MAN1C1: variants seen among roughly 807,000 people sequenced by gnomAD.
MAN1C1 encodes mannosyl-oligosaccharide 1,2-alpha-mannosidase IC.
In MAN1C1, 49 loss-of-function variants were observed where a neutral mutation model predicts 71.5. That is an observed-to-expected ratio of 0.69 (90% confidence interval 0.54 to 0.87). The LOEUF (loss-of-function observed/expected upper bound fraction) is 0.87. Ranked by LOEUF, MAN1C1 falls within the 40% of genes least tolerant of loss-of-function variation. The pLI is 0.00. For missense variants in MAN1C1, 743 were observed against 835.0 expected (o/e 0.89, Z 1.36); for synonymous variants, 352 against 343.7 (o/e 1.02, Z -0.27).
chr1:25,777,056 C>G (rs566794047), intron 8 of MAN1C1, among the ~76,000 whole-genome samples: 1 of 152,306 alleles, frequency 6.6e-6, no homozygotes, highest in African/African-American at 2.4e-5. Flanking sequence ...TCCATAGAAT[C>G]AGGTCCACCC....
At chr1:25,766,991 C>T (rs1262644473) in intron 7 of MAN1C1, among the ~76,000 whole-genome samples, 1 of 152,000 alleles carries the variant, frequency 6.6e-6, no homozygotes, top group Non-Finnish European at 1.5e-5. Context: ...CTGGGGCTCA[C>T]GGACACCAGC....
intron 2 of MAN1C1, among the ~76,000 whole-genome samples, chr1:25,745,752 G>A (rs1363482448): frequency 6.6e-6 from 1 of 152,184 alleles, no homozygotes; most frequent in Non-Finnish European, 1.5e-5. Flanking sequence ...CACTTTGGGA[G>A]ACCAAAGCAG....
chr1:25,761,892 G>A (rs1465312497), intron 6 of MAN1C1, among the ~76,000 whole-genome samples: 2 of 151,754 alleles, frequency 1.3e-5, no homozygotes, highest in East Asian at 3.9e-4. Flanking sequence ...CAAAGTGCTG[G>A]GACTACAGGG....
intron 1 of MAN1C1, among the ~76,000 whole-genome samples, chr1:25,660,276 C>T (rs1377017715): frequency 6.6e-6 from 1 of 152,030 alleles, no homozygotes; most frequent in African/African-American, 2.4e-5. Context: ...TGGCACATGC[C>T]TGTAATCTCA....
At chr1:25,632,865 A>ATTTTTT (rs33924292) in intron 1 of MAN1C1, among the ~76,000 whole-genome samples, 7 of 113,100 alleles carry the variant, frequency 6.2e-5, no homozygotes, top group Non-Finnish European at 8.8e-5. Flanking sequence ...TACAATTTTG[A>ATTTTTT]TTTTTTTTTT....
rs2045909469 is a variant in MAN1C1, at chr1:25,665,491, A to G, written c.541-20949A>G. On this transcript the variant is annotated intron_variant, in intron 1 of 11. Coordinates refer to ENST00000374332, the MANE Select transcript of MAN1C1 (RefSeq NM_020379.4). Reference sequence around the variant, plus strand: ...AGTAGCAAGACGGAAAAACGCTTCCAAATAGTTAGCTGCATTCTGCCATCA... The same window carrying G: ...AGTAGCAAGACGGAAAAACGCTTCCGAATAGTTAGCTGCATTCTGCCATCA... Among the ~76,000 whole-genome samples the G allele has an allele frequency of 7.2e-5, 11 of 152,372 alleles. No individual in the cohort carries two copies. In the South Asian group the frequency reaches 2.1e-3, roughly 29 times the overall value.
chr1:25,643,899 T>C (rs1048136042), intron 1 of MAN1C1, among the ~76,000 whole-genome samples: 5 of 152,194 alleles, frequency 3.3e-5, no homozygotes, highest in African/African-American at 9.7e-5. Context: ...AACTGATTCA[T>C]GTTGGAAATC....
rs148437546 is a variant in MAN1C1, at chr1:25,635,727, G to A, written c.540+17390G>A. On this transcript the variant is annotated intron_variant, in intron 1 of 11. Coordinates refer to ENST00000374332, the MANE Select transcript of MAN1C1 (RefSeq NM_020379.4). ...GCCTCCCAAAGTGCCAGGATGATAG[G>A]TATGAGCCACTATACCCCACCTCAT... Among the ~76,000 whole-genome samples, 527 of 152,166 alleles carry A rather than the reference G, an allele frequency of 3.5e-3. 3 individuals carry two copies. Among genetic ancestry groups the A allele is most frequent in the African/African-American group, 0.012 (510 of 41,506 alleles).
At chr1:25,758,749 G>T (rs1259636888) in intron 6 of MAN1C1, 40 bp downstream of exon 6, 2 of 1,559,598 alleles carry the variant, frequency 1.3e-6, no homozygotes, top group African/African-American at 1.4e-5. Flanking sequence ...GGAGCAGAGG[G>T]ATGAGCGTGC....
intron 1 of MAN1C1, among the ~76,000 whole-genome samples, chr1:25,659,932 A>G (rs193134840): frequency 6.6e-6 from 1 of 152,344 alleles, no homozygotes; most frequent in Non-Finnish European, 1.5e-5. Flanking sequence ...GTCGCAGCCC[A>G]CACCAAATCC....
intron 1 of MAN1C1, among the ~76,000 whole-genome samples, chr1:25,668,962 C>G (rs1284663255): frequency 6.6e-6 from 1 of 152,164 alleles, no homozygotes; most frequent in African/African-American, 2.4e-5. Context: ...CTCAGCTAGG[C>G]CTTTCTTTTA....
chr1:25,723,572 C>T (rs1396241994), intron 2 of MAN1C1, among the ~76,000 whole-genome samples: 1 of 152,118 alleles, frequency 6.6e-6, no homozygotes, highest in African/African-American at 2.4e-5. Flanking sequence ...TGGATTGATG[C>T]ATTATTTAAA....
chr1:25,680,410 A>G lies in MAN1C1; in HGVS notation c.541-6030A>G, dbSNP rs2046135242. 4.6e-5 allele frequency among the ~76,000 whole-genome samples: 7 copies of G among 152,238 alleles called. No individual in the cohort carries two copies. In the South Asian group the frequency reaches 1.5e-3, roughly 32 times the overall value. ...AAATTGTGAATAATCACCACAATCA[A>G]TTGTAGAAAAATTTCATTACTCTGA... On this transcript the variant is annotated intron_variant, in intron 1 of 11. Transcript: ENST00000374332.
chr1:25,626,650 G>A (rs183866913), intron 1 of MAN1C1, among the ~76,000 whole-genome samples: 18 of 152,174 alleles, frequency 1.2e-4, no homozygotes, highest in Admixed American at 8.5e-4. Flanking sequence ...GAGCCACTGC[G>A]CCCGGCCGTT....
intron 3 of MAN1C1, 87 bp from the exon 4 acceptor site, chr1:25,749,168 G>A: frequency 1.9e-6 from 2 of 1,077,710 alleles, no homozygotes; most frequent in Non-Finnish European, 2.7e-6. Context: ...AGGTATGGGA[G>A]GAATATCAGT....
chr1:25,750,355 A>G lies in MAN1C1; in HGVS notation c.834+1020A>G, dbSNP rs538444613. Among the ~76,000 whole-genome samples, 6 of 152,196 alleles carry G rather than the reference A, an allele frequency of 3.9e-5. No individual in the cohort carries two copies. In the South Asian group the frequency reaches 6.2e-4, roughly 16 times the overall value. On this transcript the variant is annotated intron_variant, in intron 4 of 11. Transcript: ENST00000374332. ...GCGAGGTTGGCTGAGTCCCCAAAAC[A>G]TCAGTCATTGGTCAGTTCTGTTCCC...
chr1:25,667,124 T>G (rs2045934652), intron 1 of MAN1C1, among the ~76,000 whole-genome samples: 1 of 151,590 alleles, frequency 6.6e-6, no homozygotes, highest in Admixed American at 6.6e-5. Flanking sequence ...GGGAGGGAGG[T>G]AGGAGGAGAG....
At chr1:25,623,924 C>T (rs2045254756) in intron 1 of MAN1C1, among the ~76,000 whole-genome samples, 1 of 152,250 alleles carries the variant, frequency 6.6e-6, no homozygotes. Flanking sequence ...AAATAGGGGC[C>T]ATGCATGGAG....
intron 1 of MAN1C1, among the ~76,000 whole-genome samples, chr1:25,680,730 G>A (rs2046139941): frequency 6.6e-6 from 1 of 152,170 alleles, no homozygotes; most frequent in Non-Finnish European, 1.5e-5. Flanking sequence ...CATTTGGGCT[G>A]TTTCCACTTT....
Sources: gnomAD v4.1 joint callset for allele counts (sites outside exome capture counted in the v4.1 genomes callset) on GRCh38, gnomAD v4.1.1 for gene constraint, MANE v1.5 for transcripts, NCBI Gene and HGNC (gene_info 2026-07-23, HGNC 2026-07-21) for gene names.